Variants in SQOR observed in about 807,000 individuals in gnomAD.
The protein encoded by SQOR is sulfide quinone oxidoreductase.
Under a neutral mutation model 48.6 loss-of-function variants are expected in SQOR, and 39 were observed. That is an observed-to-expected ratio of 0.80 (90% CI 0.62 to 1.05). The LOEUF (loss-of-function observed/expected upper bound fraction) is 1.05. Among genes scored for constraint, SQOR ranks in the 50% least tolerant of loss-of-function variants. The pLI, the probability that SQOR is intolerant of heterozygous loss-of-function variation, is 0.00. For missense variants in SQOR, 561 were observed against 559.9 expected (o/e 1.00, Z -0.02); for synonymous variants, 220 against 206.2 (o/e 1.07, Z -0.57).
Position 45,655,517 on chromosome 15 carries a change from G to T in SQOR, c.-17-3390G>T, listed in dbSNP as rs143714207. Among the ~76,000 whole-genome samples the T allele has an allele frequency of 5.0e-3, 756 of 152,016 alleles. 6 individuals are homozygous for T. The highest frequency in any genetic ancestry group is 0.017 in the African/African-American group (721 of 41,448). On this transcript the variant is annotated intron_variant, in intron 1 of 9. Coordinates refer to ENST00000260324, the MANE Select transcript of SQOR (RefSeq NM_021199.4). ...TTCAATCTAAAAAAAATCTATTTGA[G>T]TAATTTTTAAAATTTAAAATGTACA...
chr15:45,682,736 G>T, intron 7 of SQOR, 75 bp downstream of exon 7: 1 of 1,536,558 alleles, frequency 6.5e-7, no homozygotes. Context: ...AAAAACACAA[G>T]CTTGGCATCG....
Position 45,669,939 on chromosome 15 carries a change from A to G in SQOR, c.417A>G (p.Arg139=). 1.2e-6 allele frequency: 2 copies of G among 1,614,002 alleles called. No individual in the cohort carries two copies. Among genetic ancestry groups the G allele is most frequent in the Non-Finnish European group, 8.5e-7 (1 of 1,179,938 alleles). Reference sequence around the variant, plus strand: ...TTTTTGTGTTGCAGATCTCCTACCGATATCTTATTATTGCTCTCGGAATCC... The same window carrying G: ...TTTTTGTGTTGCAGATCTCCTACCGGTATCTTATTATTGCTCTCGGAATCC... ...HTDDDEKISY[R]YLIIALGIQL... Residue 139 remains arginine, a synonymous_variant, in exon 4 of 10, where the codon CGA becomes CGG. Transcript: ENST00000260324.
rs1595576421 is a variant in SQOR, at chr15:45,659,215, T to TGTGTGTGTGTGTGTGA, written c.234+72_234+73insGAGTGTGTGTGTGTGT. The stretch of plus-strand genomic sequence containing the variant: ...GTGTACGTGTGTGTGTGTGTGAGTG[T>TGTGTGTGTGTGTGTGA]GTGTGTGTGTGTGTTCTGGGGTTGG... On this transcript the variant is annotated intron_variant, in intron 2 of 9. Transcript: ENST00000260324. 1.9e-5 allele frequency: 22 copies of TGTGTGTGTGTGTGTGA among 1,186,680 alleles called. No homozygotes were observed. In the East Asian group the frequency reaches 5.8e-4, roughly 32 times the overall value. 73.5% of individuals were successfully genotyped at this position (1,186,680 alleles called of 1,614,324 possible).
chr15:45,644,150 C>G (rs566472059), intron 1 of SQOR, among the ~76,000 whole-genome samples: 4 of 152,116 alleles, frequency 2.6e-5, no homozygotes, highest in Admixed American at 1.3e-4. Flanking sequence ...TGCAGTGACG[C>G]GATCTCGGCT....
At chr15:45,641,758 C>T (rs1895108392) in intron 1 of SQOR, among the ~76,000 whole-genome samples, 1 of 152,196 alleles carries the variant, frequency 6.6e-6, no homozygotes, top group Non-Finnish European at 1.5e-5. Flanking sequence ...CCTCACAGTG[C>T]CTTGGACCTT....
chr15:45,661,892 T>C (rs1889727131), intron 2 of SQOR, 63 bp from the exon 3 acceptor site: 1 of 1,509,824 alleles, frequency 6.6e-7, no homozygotes, highest in Non-Finnish European at 9.0e-7. Flanking sequence ...CCCATACTGT[T>C]AGCTATGACC....
intron 7 of SQOR, among the ~76,000 whole-genome samples, chr15:45,687,530 C>T (rs757253888): frequency 1.1e-4 from 16 of 152,164 alleles, no homozygotes; most frequent in Non-Finnish European, 2.2e-4. Flanking sequence ...AATTCCCCAT[C>T]AGAGATACAG....
chr15:45,652,500 G>A (rs1889511938), intron 1 of SQOR, among the ~76,000 whole-genome samples: 1 of 151,978 alleles, frequency 6.6e-6, no homozygotes, highest in Non-Finnish European at 1.5e-5. Context: ...ACGCCGGCAG[G>A]TCCGGCTACT....
chr15:45,674,510 A>G (rs1453827874), intron 5 of SQOR, among the ~76,000 whole-genome samples: 1 of 152,218 alleles, frequency 6.6e-6, no homozygotes, highest in African/African-American at 2.4e-5. Flanking sequence ...TAGTTAGACA[A>G]TTAGTTGCAG....
In SQOR at chr15:45,658,993, A is replaced by C. The variant is rs540812384; in HGVS notation, c.70A>C (p.Thr24Pro). Residue 24 changes from threonine (T) to proline (P), a missense_variant, in exon 2 of 10, where the codon ACT becomes CCT. Physicochemically the swap from Thr to Pro is conservative, Grantham distance 38. Coordinates refer to ENST00000260324, the MANE Select transcript of SQOR (RefSeq NM_021199.4). ...CTTTGCCTGCCTGCTCAGGCTGGGC[A>C]CTCAGCAGGTCGGCCCCCTTCAGCT... Reference protein sequence around the residue: ...QLFACLLRLGTQQVGPLQLHT... With the variant: ...QLFACLLRLGPQQVGPLQLHT... The C allele has an allele frequency of 1.7e-5, 28 of 1,602,048 alleles. No homozygotes were observed. Among genetic ancestry groups the C allele is most frequent in the Non-Finnish European group, 2.3e-5 (27 of 1,174,334 alleles).
At position 45,691,241 on chromosome 15, in the gene SQOR, G is replaced by T; in HGVS notation, c.*211G>T. Reference sequence around the variant, plus strand: ...CTTGATTCTTTGGGAATAATAAAATGAAATAATACTTTTATTTTCTGAATA... The same window carrying T: ...CTTGATTCTTTGGGAATAATAAAATTAAATAATACTTTTATTTTCTGAATA... On this transcript the variant is annotated 3_prime_UTR_variant, in exon 10 of 10. Coordinates refer to ENST00000260324, the MANE Select transcript of SQOR (RefSeq NM_021199.4). The T allele has an allele frequency of 1.9e-6, 1 of 520,348 alleles. No individual in the cohort carries two copies. Among genetic ancestry groups the T allele is most frequent in the South Asian group, 3.0e-5 (1 of 32,866 alleles). The allele number at this position is 520,348 out of a possible 1,614,324, so 32.2% of individuals were successfully genotyped here. A position where few individuals can be genotyped will look rare whatever the true frequency, so the allele number is the denominator to read the frequency against.
At chr15:45,661,237 G>T (rs1057140006) in intron 2 of SQOR, among the ~76,000 whole-genome samples, 2 of 141,684 alleles carry the variant, frequency 1.4e-5, no homozygotes, top group African/African-American at 5.2e-5. Context: ...AGCCGAGATC[G>T]TGCCACTGCA....
At chr15:45,665,404 T>C (rs1412937934) in intron 3 of SQOR, among the ~76,000 whole-genome samples, 1 of 152,238 alleles carries the variant, frequency 6.6e-6, no homozygotes, top group Non-Finnish European at 1.5e-5. Context: ...CTGGGTCTTT[T>C]GGATTTATGA....
At chr15:45,684,014 C>T (rs971729408) in intron 7 of SQOR, among the ~76,000 whole-genome samples, 14 of 151,944 alleles carry the variant, frequency 9.2e-5, no homozygotes, top group Admixed American at 2.6e-4. Flanking sequence ...CAGGTTCAAG[C>T]GATTCTCCTT....
In SQOR at chr15:45,659,004, C is replaced by T. The variant is rs139154395; in HGVS notation, c.81C>T (p.Val27=). ...TGCTCAGGCTGGGCACTCAGCAGGTCGGCCCCCTTCAGCTGCACACCGGGG... is the reference window on the plus strand; with the variant it reads ...TGCTCAGGCTGGGCACTCAGCAGGTTGGCCCCCTTCAGCTGCACACCGGGG... The part of the protein sequence containing the change: ...ACLLRLGTQQ[V]GPLQLHTGAS... The change falls in exon 2 of 10, where the codon GTC becomes GTT. Residue 27 remains valine (V), a synonymous_variant. Coordinates refer to ENST00000260324, the MANE Select transcript of SQOR (RefSeq NM_021199.4). 3.2e-5 allele frequency: 51 copies of T among 1,602,814 alleles called. No homozygotes were observed. The highest frequency in any genetic ancestry group is 1.3e-4 in the South Asian group (12 of 89,164).
chr15:45,649,510 C>T (rs1048678402), intron 1 of SQOR, among the ~76,000 whole-genome samples: 11 of 152,104 alleles, frequency 7.2e-5, no homozygotes, highest in South Asian at 2.1e-4. Flanking sequence ...GAGTCTTGCT[C>T]TGTTGCCCAG....
At chr15:45,677,392 A>C (rs1890056577) in intron 6 of SQOR, among the ~76,000 whole-genome samples, 1 of 152,222 alleles carries the variant, frequency 6.6e-6, no homozygotes, top group African/African-American at 2.4e-5. Context: ...AACTCAGGAA[A>C]TTTAGCACAG....
At chr15:45,637,826 C>T (rs1291244354) in intron 1 of SQOR, among the ~76,000 whole-genome samples, 1 of 152,218 alleles carries the variant, frequency 6.6e-6, no homozygotes, top group East Asian at 1.9e-4. Context: ...GAGACGGACC[C>T]ATGACAAGGC....
intron 7 of SQOR, among the ~76,000 whole-genome samples, chr15:45,686,917 C>T (rs1441251762): frequency 6.6e-6 from 1 of 152,124 alleles, no homozygotes; most frequent in Non-Finnish European, 1.5e-5. Flanking sequence ...TCAATCTATT[C>T]TTGTGCCTCA....
Sources: gnomAD v4.1 joint callset for allele counts (sites outside exome capture counted in the v4.1 genomes callset) on GRCh38, gnomAD v4.1.1 for gene constraint, MANE v1.5 for transcripts, NCBI Gene and HGNC (gene_info 2026-07-23, HGNC 2026-07-21) for gene names.